GNB5: variants seen among roughly 807,000 people sequenced by gnomAD.
The protein encoded by GNB5 is G protein subunit beta 5.
In GNB5, 37 loss-of-function variants were observed where a neutral mutation model predicts 55.3. The observed-to-expected ratio is 0.67, with a 90% CI of 0.51 to 0.88. The LOEUF (loss-of-function observed/expected upper bound fraction) is 0.88. Among genes scored for constraint, GNB5 ranks in the 40% least tolerant of loss-of-function variants. The pLI is 0.00. For synonymous variants in GNB5, 219 were observed against 198.5 expected (o/e 1.10, Z -0.87); for missense variants, 476 against 515.3 (o/e 0.92, Z 0.74).
At chr15:52,128,469 G>A (rs1446058312) in intron 9 of GNB5, 1 of 616,388 alleles carries the variant, frequency 1.6e-6, no homozygotes, top group Non-Finnish European at 2.9e-6. Flanking sequence ...GATAATATGT[G>A]TTGATATCAG....
chr15:52,128,634 C>A, intron 9 of GNB5: 1 of 492,192 alleles, frequency 2.0e-6, no homozygotes, highest in Non-Finnish European at 4.0e-6. Context: ...CTGCACTGAC[C>A]ATTTACTACC....
chr15:52,153,050 C>CT (rs2034133551), intron 4 of GNB5, among the ~76,000 whole-genome samples: 1 of 152,258 alleles, frequency 6.6e-6, no homozygotes, highest in African/African-American at 2.4e-5. Flanking sequence ...ATTCCAGCCT[C>CT]TTGATAGTCA....
chr15:52,134,251 T>C (rs1245674842), intron 8 of GNB5, among the ~76,000 whole-genome samples: 1 of 152,212 alleles, frequency 6.6e-6, no homozygotes, highest in African/African-American at 2.4e-5. Flanking sequence ...GCTTAAGTAG[T>C]AGAATGTGGA....
At chr15:52,166,200 T>C (rs754247114) in intron 3 of GNB5, among the ~76,000 whole-genome samples, 4 of 152,080 alleles carry the variant, frequency 2.6e-5, no homozygotes, top group Non-Finnish European at 5.9e-5. Context: ...AGCAAGTTCT[T>C]ACAGATCTAC....
At chr15:52,181,800 A>G (rs1380359006) in intron 2 of GNB5, among the ~76,000 whole-genome samples, 2 of 152,184 alleles carry the variant, frequency 1.3e-5, no homozygotes, top group African/African-American at 4.8e-5. Context: ...TAGTACTTGC[A>G]TATGGTAGGT....
chr15:52,174,672 GCCTTAAGCT>G (rs59465180), intron 3 of GNB5, among the ~76,000 whole-genome samples: 43,071 of 151,898 alleles, frequency 0.28, 7,364 homozygotes, highest in African/African-American at 0.47. Context: ...TTAATATGTT[GCCTTAAGCT>G]ACCTTAAGGC....
chr15:52,167,620 A>T (rs1036117916), intron 3 of GNB5, among the ~76,000 whole-genome samples: 2 of 152,026 alleles, frequency 1.3e-5, no homozygotes, highest in Non-Finnish European at 2.9e-5. Context: ...GCAGTGAGTC[A>T]AGATCATGCC....
At chr15:52,184,909 A>C (rs1390025589) in intron 1 of GNB5, among the ~76,000 whole-genome samples, 3 of 152,256 alleles carry the variant, frequency 2.0e-5, no homozygotes, top group African/African-American at 7.2e-5. Context: ...AGGTTTTCTG[A>C]ACTTAACACG....
intron 9 of GNB5, chr15:52,128,929 T>C: frequency 3.0e-6 from 1 of 328,532 alleles, no homozygotes; most frequent in Admixed American, 3.9e-5. Flanking sequence ...CCCAGCTGTG[T>C]TCCCCACACC....
intron 6 of GNB5, among the ~76,000 whole-genome samples, chr15:52,143,246 C>CAGGA (rs2033898416): frequency 2.6e-5 from 4 of 151,952 alleles, no homozygotes; most frequent in Non-Finnish European, 5.9e-5. Flanking sequence ...GGACTATGGT[C>CAGGA]CTCCCTGACC....
At chr15:52,137,263 A>C in intron 7 of GNB5, 1 of 1,149,440 alleles carries the variant, frequency 8.7e-7, no homozygotes, top group Non-Finnish European at 1.1e-6. Context: ...GACAAGGATC[A>C]ATGACAACAG....
In GNB5 at chr15:52,122,742, A is replaced by C. The variant is rs377289604; in HGVS notation, c.*15T>G. 66 of 1,585,996 alleles carry C rather than the reference A, an allele frequency of 4.2e-5. No homozygotes were observed. Among genetic ancestry groups the C allele is most frequent in the Non-Finnish European group, 5.7e-5 (66 of 1,154,414 alleles). The stretch of plus-strand genomic sequence containing the variant: ...CAAATTCTCAGGTATACATGAGTGC[A>C]CTGTCAGAAGATGATTAGGCCCAGA... On this transcript the variant is annotated 3_prime_UTR_variant, in exon 13 of 13. Transcript: ENST00000261837.
chr15:52,182,611 C>T (rs1361236053), intron 2 of GNB5, among the ~76,000 whole-genome samples: 2 of 152,184 alleles, frequency 1.3e-5, no homozygotes, highest in Admixed American at 1.3e-4. Context: ...AGGTCAGCTA[C>T]ATTCCACAGT....
chr15:52,137,609 G>T (rs1164453528), intron 7 of GNB5: 1 of 1,119,124 alleles, frequency 8.9e-7, no homozygotes, highest in Non-Finnish European at 1.1e-6. Context: ...GCACACAGGG[G>T]TGCCCAGGGA....
rs972192721 is a variant in GNB5 at position 52,121,643 on chromosome 15, T to C, written c.*1114A>G. 5.3e-5 allele frequency: 8 copies of C among 151,968 alleles called. No homozygotes were observed. The highest frequency in any genetic ancestry group is 1.9e-4 in the African/African-American group (8 of 41,396). 9.4% of individuals were successfully genotyped at this position (151,968 alleles called of 1,614,324 possible). A position where few individuals can be genotyped will look rare whatever the true frequency, so the allele number is the denominator to read the frequency against. On this transcript the variant is annotated 3_prime_UTR_variant, in exon 13 of 13. Coordinates refer to ENST00000261837, the MANE Select transcript of GNB5 (RefSeq NM_016194.4). ...TTTTTTTTGAGACGGAGTCTCGCTTTGTCACCCAGGCTGCAGTGGCTCGAC... is the reference window on the plus strand; with the variant it reads ...TTTTTTTTGAGACGGAGTCTCGCTTCGTCACCCAGGCTGCAGTGGCTCGAC...
Position 52,177,465 on chromosome 15 carries a change from C to T in GNB5, c.238+2303G>A, listed in dbSNP as rs112204074. Among the ~76,000 whole-genome samples the T allele has an allele frequency of 1.5e-3, 229 of 151,786 alleles. 3 individuals carry two copies. The highest frequency in any genetic ancestry group is 5.0e-3 in the African/African-American group (206 of 41,466). ...TTGAGGTCAGGAGTTCGAGACCAGC[C>T]TGGCCAACATGGTGAAGCCTACTAA... On this transcript the variant is annotated intron_variant, in intron 3 of 12. Coordinates refer to ENST00000261837, the MANE Select transcript of GNB5 (RefSeq NM_016194.4).
Position 52,120,864 on chromosome 15 carries a change from C to G in GNB5, c.*1893G>C, listed in dbSNP as rs2033249520. The G allele has an allele frequency of 6.6e-6, 1 of 152,256 alleles. No homozygotes were observed. Among genetic ancestry groups the G allele is most frequent in the Non-Finnish European group, 1.5e-5 (1 of 68,066 alleles). The allele number at this position is 152,256 out of a possible 1,614,324, so 9.4% of individuals were successfully genotyped here. A position where few individuals can be genotyped will look rare whatever the true frequency, so the allele number is the denominator to read the frequency against. ...GGGCTCCCTGGAGGAAGGCAGAGGC[C>G]CTTCATTTTTCTCTCTCTACCCCAG... On this transcript the variant is annotated 3_prime_UTR_variant, in exon 13 of 13. Coordinates refer to ENST00000261837, the MANE Select transcript of GNB5 (RefSeq NM_016194.4).
In GNB5 at chr15:52,128,254, G is replaced by T. The variant is rs151089434; in HGVS notation, c.864-10C>A. The T allele has an allele frequency of 2.5e-6, 4 of 1,590,398 alleles. No individual in the cohort carries two copies. Among genetic ancestry groups the T allele is most frequent in the Admixed American group, 3.3e-5 (2 of 59,976 alleles). On this transcript the variant is annotated splice_polypyrimidine_tract_variant and intron_variant, in intron 9 of 12. Transcript: ENST00000261837. ...TCCACTGGGGTAGTACCTGCAGAGA[G>T]AAAGTACTTTATCTACGGTTGTGAC...
chr15:52,142,380 T>C (rs1398490977), intron 6 of GNB5, among the ~76,000 whole-genome samples: 1 of 152,240 alleles, frequency 6.6e-6, no homozygotes, highest in African/African-American at 2.4e-5. Context: ...GTGATTTATT[T>C]TGATAATGTC....
Sources: gnomAD v4.1 joint callset for allele counts (sites outside exome capture counted in the v4.1 genomes callset) on GRCh38, gnomAD v4.1.1 for gene constraint, MANE v1.5 for transcripts, NCBI Gene and HGNC (gene_info 2026-07-23, HGNC 2026-07-21) for gene names.